C10orf143: variants seen among roughly 807,000 people sequenced by gnomAD.
C10orf143 encodes the protein uncharacterized protein C10orf143.
intron 1 of C10orf143, chr10:130,108,388 T>C (rs1269037090): frequency 9.6e-7 from 1 of 1,042,290 alleles, no homozygotes; most frequent in South Asian, 1.3e-5. Context: ...GTGAGTTCCC[T>C]TCAGGGCTGA....
chr10:130,064,184 TG>T lies in C10orf143; in HGVS notation c.*169del, dbSNP rs746377171. 5.4e-5 allele frequency: 21 copies of T among 392,160 alleles called. No individual in the cohort carries two copies. The highest frequency in any genetic ancestry group is 6.7e-5 in the Non-Finnish European group (15 of 222,794). 24.3% of individuals were successfully genotyped at this position (392,160 alleles called of 1,614,324 possible). The stretch of plus-strand genomic sequence containing the variant: ...CTCCTGGCTCTCGTGCAGAGGATGG[TG>T]GATTTACTAGAATGAAAGGACAGAC... On this transcript the variant is annotated 3_prime_UTR_variant, in exon 4 of 4. Transcript: ENST00000637128.
intron 1 of C10orf143, chr10:130,107,670 C>T (rs755002003): frequency 7.7e-7 from 1 of 1,300,850 alleles, no homozygotes; most frequent in East Asian, 2.3e-5. Context: ...TTGGAGGGTC[C>T]ACTCAGACTC....
chr10:130,041,911 C>G (rs1316820210), intron 3 of C10orf143, among the ~76,000 whole-genome samples: 1 of 152,128 alleles, frequency 6.6e-6, no homozygotes, highest in Non-Finnish European at 1.5e-5. Flanking sequence ...TGCACACACT[C>G]ATACAATTAC....
intron 3 of C10orf143, among the ~76,000 whole-genome samples, chr10:130,042,827 T>C (rs1261738750): frequency 6.6e-6 from 1 of 152,126 alleles, no homozygotes; most frequent in East Asian, 1.9e-4. Context: ...CGTCACGGCT[T>C]GGAGGAAACT....
intron 1 of C10orf143, among the ~76,000 whole-genome samples, chr10:130,084,155 A>G (rs1015426242): frequency 2.7e-5 from 4 of 147,790 alleles, no homozygotes; most frequent in African/African-American, 1.0e-4. Flanking sequence ...CTAAAAATAC[A>G]AAAAAAAAAT....
chr10:130,087,811 C>T (rs150283662), intron 1 of C10orf143, among the ~76,000 whole-genome samples: 116 of 152,280 alleles, frequency 7.6e-4, no homozygotes, highest in African/African-American at 2.7e-3. Flanking sequence ...CCAGAGAACA[C>T]GGAGCAGGGT....
chr10:130,106,319 C>T lies in C10orf143; in HGVS notation c.69+4385G>A, dbSNP rs766807290. ...TGGACTAATTGAAGAAAAATGTAAA[C>T]TACTTGAAAAATTTAGCCTTGTTCA... On this transcript the variant is annotated intron_variant, in intron 1 of 3. Coordinates refer to ENST00000637128, the MANE Select transcript of C10orf143 (RefSeq NM_001355042.2). The T allele has an allele frequency of 5.6e-6, 9 of 1,596,312 alleles. No individual in the cohort carries two copies. The East Asian group carries it at 2.0e-4, about 36-fold the overall frequency.
downstream of C10orf143, among the ~76,000 whole-genome samples, chr10:130,062,111 C>T (rs992368488): frequency 4.6e-5 from 7 of 151,936 alleles, no homozygotes; most frequent in African/African-American, 1.7e-4. Flanking sequence ...AATTTCTGAG[C>T]CTTCTATTTC....
intron 3 of C10orf143, among the ~76,000 whole-genome samples, chr10:130,037,473 G>A (rs768855263): frequency 2.0e-5 from 3 of 152,180 alleles, no homozygotes; most frequent in Non-Finnish European, 4.4e-5. Flanking sequence ...GTCTCCAAGG[G>A]AGTGGCCCTG....
chr10:130,107,696 GGGGGGGAAGGAAGA>G (rs763718381), intron 1 of C10orf143: 2 of 1,260,092 alleles, frequency 1.6e-6, no homozygotes. Flanking sequence ...TTTGCCTCCA[GGGGGGGAAGGAAGA>G]GGCTCAAGAG....
intron 1 of C10orf143, chr10:130,106,040 G>A (rs1234596520): frequency 3.7e-6 from 2 of 535,170 alleles, no homozygotes; most frequent in Admixed American, 4.7e-5. Context: ...GAGCAGCCTT[G>A]GCGCTATGTT....
chr10:130,062,496 G>A (rs536256299), downstream of C10orf143, among the ~76,000 whole-genome samples: 17 of 152,174 alleles, frequency 1.1e-4, no homozygotes, highest in Non-Finnish European at 1.8e-4. Flanking sequence ...TCTTTCTCCC[G>A]TGCTGGATGC....
intron 1 of C10orf143, among the ~76,000 whole-genome samples, chr10:130,087,454 G>A (rs1336793486): frequency 3.9e-5 from 6 of 152,162 alleles, no homozygotes; most frequent in African/African-American, 7.2e-5. Flanking sequence ...GAGCGTGGCC[G>A]AGAAATAGAC....
chr10:130,106,214 C>T (rs1248770149), intron 1 of C10orf143: 1 of 1,260,978 alleles, frequency 7.9e-7, no homozygotes. Context: ...TGCTGTTCTC[C>T]TTTTTCTGTG....
chr10:130,097,494 G>T (rs1357884995), intron 1 of C10orf143, among the ~76,000 whole-genome samples: 1 of 152,154 alleles, frequency 6.6e-6, no homozygotes, highest in Non-Finnish European at 1.5e-5. Flanking sequence ...TTGGTGGTGG[G>T]CATGTAAAAT....
In C10orf143 at chr10:130,106,523, T is replaced by C. The variant is rs60998497; in HGVS notation, c.69+4181A>G. 5,697 of 1,599,162 alleles carry C rather than the reference T, an allele frequency of 3.6e-3. 115 individuals carry two copies. The East Asian group carries it at 0.055, about 16-fold the overall frequency. On this transcript the variant is annotated intron_variant, in intron 1 of 3. Coordinates refer to ENST00000637128, the MANE Select transcript of C10orf143 (RefSeq NM_001355042.2). ...GTTAAAAGAAGAGAAATCTAAACAT[T>C]CGCAACAAAATGAATTGATGGCGGA...
intron 1 of C10orf143, chr10:130,107,624 T>A (rs758500970): frequency 7.5e-7 from 1 of 1,338,990 alleles, no homozygotes; most frequent in South Asian, 1.2e-5. Flanking sequence ...TCGGCCTTCA[T>A]CTGAAACGAG....
chr10:130,085,719 C>G (rs1590025206), intron 1 of C10orf143, among the ~76,000 whole-genome samples: 1 of 152,070 alleles, frequency 6.6e-6, no homozygotes, highest in Admixed American at 6.5e-5. Context: ...TATATGAACT[C>G]TATACTATGT....
chr10:130,063,575 G>A (rs1256235413), downstream of C10orf143, among the ~76,000 whole-genome samples: 5 of 152,090 alleles, frequency 3.3e-5, no homozygotes, highest in East Asian at 3.9e-4. Context: ...CATCTTTCCC[G>A]TATGGAACTC....
Sources: gnomAD v4.1 joint callset for allele counts (sites outside exome capture counted in the v4.1 genomes callset) on GRCh38, gnomAD v4.1.1 for gene constraint, MANE v1.5 for transcripts, NCBI Gene and HGNC (gene_info 2026-07-23, HGNC 2026-07-21) for gene names.